The following CNTN5 variants were observed in gnomAD, a reference collection of about 807,000 sequenced individuals.
The protein encoded by CNTN5 is contactin 5, also known as contactin-5.
Under a neutral mutation model 129.1 loss-of-function variants are expected in CNTN5, and 77 were observed. The ratio of observed to expected loss-of-function variants is 0.60; its 90% CI spans 0.50 to 0.72. The LOEUF (loss-of-function observed/expected upper bound fraction) is 0.72, where lower values mean the gene tolerates loss of function less well. Ranked by LOEUF, CNTN5 falls within the 30% of genes least tolerant of loss-of-function variation. The pLI is 0.00. For synonymous variants in CNTN5, 509 were observed against 465.6 expected (o/e 1.09, Z -1.20); for missense variants, 1,478 against 1,328.8 (o/e 1.11, Z -1.75).
At chr11:99,618,350 T>C (rs1433612347) in intron 3 of CNTN5, among the ~76,000 whole-genome samples, 1 of 152,198 alleles carries the variant, frequency 6.6e-6, no homozygotes, top group Non-Finnish European at 1.5e-5. Flanking sequence ...GGAAGCACTT[T>C]TATTGCTTTC....
intron 9 of CNTN5, among the ~76,000 whole-genome samples, chr11:100,025,526 T>G (rs139388224): frequency 1.2e-3 from 186 of 152,148 alleles, no homozygotes; most frequent in African/African-American, 4.3e-3. Context: ...GAATGATAGA[T>G]CCACTGACAG....
intron 2 of CNTN5, among the ~76,000 whole-genome samples, chr11:99,385,350 T>G (rs1225472435): frequency 6.6e-6 from 1 of 152,160 alleles, no homozygotes; most frequent in Non-Finnish European, 1.5e-5. Flanking sequence ...AAAAGTAATG[T>G]AATCCAGCTT....
At chr11:100,105,371 A>T (rs1945389708) in intron 13 of CNTN5, among the ~76,000 whole-genome samples, 1 of 151,980 alleles carries the variant, frequency 6.6e-6, no homozygotes, top group African/African-American at 2.4e-5. Context: ...GGATAGAGGG[A>T]TCTTGCTTCA....
At chr11:99,947,393 T>C (rs192689721) in intron 7 of CNTN5, among the ~76,000 whole-genome samples, 79 of 151,980 alleles carry the variant, frequency 5.2e-4, no homozygotes, top group African/African-American at 1.9e-3. Context: ...ATTCTTGATG[T>C]AGAAAATAAA....
chr11:99,877,667 A>T (rs1591353267), intron 6 of CNTN5, among the ~76,000 whole-genome samples: 1 of 152,346 alleles, frequency 6.6e-6, no homozygotes, highest in African/African-American at 2.4e-5. Context: ...ATTTTAACAT[A>T]ACAGTCTTAA....
At chr11:99,742,276 G>A (rs1002703371) in intron 3 of CNTN5, among the ~76,000 whole-genome samples, 1 of 152,102 alleles carries the variant, frequency 6.6e-6, no homozygotes, top group Non-Finnish European at 1.5e-5. Flanking sequence ...AGTCAGAATG[G>A]CAATGCTTAT....
At position 100,161,830 on chromosome 11, in the gene CNTN5, T is replaced by TACACATACACACACACACACACACAC. The variant is rs59930760; in HGVS notation, c.1581-29291_1581-29290insTACACACACACACACACACACACACA. Among the ~76,000 whole-genome samples the TACACATACACACACACACACACACAC allele has an allele frequency of 5.7e-4, 72 of 125,882 alleles. 2 individuals are homozygous for TACACATACACACACACACACACACAC. Among genetic ancestry groups the TACACATACACACACACACACACACAC allele is most frequent in the African/African-American group, 2.3e-3 (68 of 29,658 alleles). 82.6% of individuals were successfully genotyped at this position (125,882 alleles called of 152,430 possible). On this transcript the variant is annotated intron_variant, in intron 13 of 24. Transcript: ENST00000524871. ...TCTCAAGGATAGCCCTGGAGCTTCC[T>TACACATACACACACACACACACACAC]ACACACACACACACACACACACACA...
chr11:100,082,118 TG>T (rs150445526), intron 13 of CNTN5, among the ~76,000 whole-genome samples: 13,448 of 152,038 alleles, frequency 0.088, 1,213 homozygotes, highest in African/African-American at 0.23. Context: ...ACAAAAAAAT[TG>T]TGTGTGTATG....
At chr11:99,499,791 T>C (rs1173674254) in intron 2 of CNTN5, among the ~76,000 whole-genome samples, 1 of 152,238 alleles carries the variant, frequency 6.6e-6, no homozygotes, top group Non-Finnish European at 1.5e-5. Context: ...TGAACAGTTA[T>C]ATTTTTCAGG....
At chr11:100,165,587 G>T (rs1357753489) in intron 13 of CNTN5, among the ~76,000 whole-genome samples, 1 of 151,702 alleles carries the variant, frequency 6.6e-6, no homozygotes, top group African/African-American at 2.4e-5. Context: ...AATTAATTGG[G>T]TTACCTTCAA....
At chr11:99,268,045 G>A (rs1362301067) in intron 1 of CNTN5, among the ~76,000 whole-genome samples, 2 of 124,244 alleles carry the variant, frequency 1.6e-5, no homozygotes, top group Non-Finnish European at 3.7e-5. Flanking sequence ...ATTTAGTTAA[G>A]GTATGTGGCA....
At chr11:99,324,843 G>A (rs764762515) in intron 1 of CNTN5, among the ~76,000 whole-genome samples, 34 of 152,132 alleles carry the variant, frequency 2.2e-4, no homozygotes, top group Middle Eastern at 3.4e-3. Context: ...GGGTTTCACC[G>A]TGTTAGCCAG....
chr11:99,835,604 G>A (rs918495528), intron 4 of CNTN5, among the ~76,000 whole-genome samples: 7 of 152,266 alleles, frequency 4.6e-5, no homozygotes, highest in East Asian at 3.9e-4. Context: ...AAATGTGTAC[G>A]TAATAGCACT....
At chr11:100,131,422 C>A (rs114716668) in intron 13 of CNTN5, among the ~76,000 whole-genome samples, 262 of 152,018 alleles carry the variant, frequency 1.7e-3, no homozygotes, top group African/African-American at 6.0e-3. Flanking sequence ...AAGAATGATT[C>A]CAGGATGGAA....
chr11:100,119,132 G>A (rs377308278), intron 13 of CNTN5, among the ~76,000 whole-genome samples: 2 of 151,760 alleles, frequency 1.3e-5, no homozygotes, highest in East Asian at 1.9e-4. Flanking sequence ...AAAAGAAGAG[G>A]CATAGAACAG....
intron 8 of CNTN5, among the ~76,000 whole-genome samples, chr11:99,999,354 A>G (rs903997024): frequency 6.6e-6 from 1 of 152,242 alleles, no homozygotes; most frequent in Non-Finnish European, 1.5e-5. Context: ...AAGGACATGA[A>G]CAGACACTTC....
chr11:100,165,442 TG>T (rs1308096458), intron 13 of CNTN5, among the ~76,000 whole-genome samples: 1 of 93,954 alleles, frequency 1.1e-5, no homozygotes, highest in Non-Finnish European at 1.9e-5. Flanking sequence ...AATAAGATAA[TG>T]TATTGAAAAG....
intron 1 of CNTN5, among the ~76,000 whole-genome samples, chr11:99,094,985 CT>C (rs562641841): frequency 2.0e-5 from 3 of 151,714 alleles, no homozygotes; most frequent in Admixed American, 6.6e-5. Context: ...AGGTTTCTAT[CT>C]TTTTTTAAAA....
At chr11:100,233,776 T>G (rs1334042759) in intron 16 of CNTN5, among the ~76,000 whole-genome samples, 2 of 151,992 alleles carry the variant, frequency 1.3e-5, no homozygotes, top group African/African-American at 4.8e-5. Flanking sequence ...GGTGTTTTAG[T>G]CAAAAAGTCT....
Sources: gnomAD v4.1 joint callset for allele counts (sites outside exome capture counted in the v4.1 genomes callset) on GRCh38, gnomAD v4.1.1 for gene constraint, MANE v1.5 for transcripts, NCBI Gene and HGNC (gene_info 2026-07-23, HGNC 2026-07-21) for gene names.